The following TOM1L2 variants were observed in gnomAD, a reference collection of about 807,000 sequenced individuals.
TOM1L2 encodes target of myb1 like 2 membrane trafficking protein.
In TOM1L2, 31 loss-of-function variants were observed where a neutral mutation model predicts 67.9. That is an observed-to-expected ratio of 0.46 (90% CI 0.34 to 0.62). The LOEUF is 0.62. TOM1L2 is among the 20% of genes least tolerant of loss of function. The pLI is 0.01. For missense variants in TOM1L2, 606 were observed against 663.5 expected, an observed-to-expected ratio of 0.91 and a Z score of 0.95; for synonymous variants, 256 against 254.0, an observed-to-expected ratio of 1.01 and a Z score of -0.07.
intron 12 of TOM1L2, among the ~76,000 whole-genome samples, chr17:17,854,362 G>A (rs1426643495): frequency 6.6e-6 from 1 of 152,124 alleles, no homozygotes; most frequent in Non-Finnish European, 1.5e-5. Context: ...AGGGGACTCT[G>A]TTTCTTCCCT....
At chr17:17,888,921 T>C (rs1202613670) in intron 4 of TOM1L2, among the ~76,000 whole-genome samples, 1 of 152,044 alleles carries the variant, frequency 6.6e-6, no homozygotes, top group African/African-American at 2.4e-5. Flanking sequence ...GGTGAAAACA[T>C]AGGGGTGAAG....
intron 1 of TOM1L2, among the ~76,000 whole-genome samples, chr17:17,916,711 C>G (rs1244285563): frequency 1.3e-5 from 2 of 152,148 alleles, no homozygotes; most frequent in African/African-American, 4.8e-5. Context: ...TGTGAGTCCT[C>G]CAACTTTGTT....
At chr17:17,862,920 A>G in intron 10 of TOM1L2, 72 bp from the exon 11 acceptor site, 6 of 836,704 alleles carry the variant, frequency 7.2e-6, no homozygotes, top group East Asian at 6.8e-5. Context: ...AGGGCCCCCA[A>G]GCTAGGACGC....
chr17:17,948,357 G>A (rs928863718), intron 1 of TOM1L2, among the ~76,000 whole-genome samples: 10 of 152,140 alleles, frequency 6.6e-5, no homozygotes, highest in African/African-American at 2.2e-4. Flanking sequence ...ATCAAAAAAT[G>A]TGCCCCCTTG....
chr17:17,879,622 C>A lies in TOM1L2; in HGVS notation c.777+5G>T. ...CAGGCCAAGTGCTTCTGAAAGATGACTCACCTGCAGCAACTCCAGATCAGA... is the reference window on the plus strand; with the variant it reads ...CAGGCCAAGTGCTTCTGAAAGATGAATCACCTGCAGCAACTCCAGATCAGA... On this transcript the variant is annotated splice_donor_5th_base_variant and intron_variant, in intron 7 of 14. Coordinates refer to ENST00000379504, the MANE Select transcript of TOM1L2 (RefSeq NM_001082968.2). 1 of 1,611,016 alleles carries A rather than the reference C, an allele frequency of 6.2e-7. No individual in the cohort carries two copies.
chr17:17,909,590 G>A (rs2039252678), intron 1 of TOM1L2, among the ~76,000 whole-genome samples: 1 of 151,810 alleles, frequency 6.6e-6, no homozygotes, highest in Non-Finnish European at 1.5e-5. Context: ...GAGGCTGCTG[G>A]GGGGTGTGGG....
At chr17:17,951,745 C>T (rs762404352) in intron 1 of TOM1L2, among the ~76,000 whole-genome samples, 4 of 152,176 alleles carry the variant, frequency 2.6e-5, no homozygotes, top group Non-Finnish European at 4.4e-5. Context: ...TCCATGGGGA[C>T]GTGGTGCTTA....
chr17:17,914,109 T>G (rs2039525186), intron 1 of TOM1L2, among the ~76,000 whole-genome samples: 1 of 152,194 alleles, frequency 6.6e-6, no homozygotes, highest in South Asian at 2.1e-4. Flanking sequence ...GACATGCCCC[T>G]GCTGTGTGTG....
intron 12 of TOM1L2, among the ~76,000 whole-genome samples, chr17:17,852,571 G>A (rs1366140033): frequency 6.6e-6 from 1 of 152,192 alleles, no homozygotes; most frequent in Non-Finnish European, 1.5e-5. Flanking sequence ...GGGGAGTTAA[G>A]AATGTTGAAT....
chr17:17,875,864 A>G (rs895956420), intron 7 of TOM1L2, among the ~76,000 whole-genome samples: 7 of 152,366 alleles, frequency 4.6e-5, no homozygotes, highest in African/African-American at 1.7e-4. Context: ...GTTGATGAGA[A>G]AGGGGAATAA....
chr17:17,882,946 C>T, intron 5 of TOM1L2, 83 bp from the exon 6 acceptor site: 4 of 1,541,660 alleles, frequency 2.6e-6, no homozygotes, highest in Non-Finnish European at 3.5e-6. Flanking sequence ...CCATGCAGCA[C>T]TTCCCCAAGG....
At chr17:17,923,398 T>C (rs767781016) in intron 1 of TOM1L2, among the ~76,000 whole-genome samples, 8 of 151,788 alleles carry the variant, frequency 5.3e-5, no homozygotes, top group East Asian at 1.9e-4. Flanking sequence ...TGAAACTCCA[T>C]CTCAAACAAC....
At chr17:17,876,804 C>T (rs1040639353) in intron 7 of TOM1L2, among the ~76,000 whole-genome samples, 2 of 152,188 alleles carry the variant, frequency 1.3e-5, no homozygotes, top group African/African-American at 2.4e-5. Context: ...TGCTGCTGCC[C>T]GAAGTCTAAC....
chr17:17,847,423 T>G lies in TOM1L2; in HGVS notation c.*212A>C. The G allele has an allele frequency of 9.9e-6, 6 of 604,370 alleles. No homozygotes were observed. Among genetic ancestry groups the G allele is most frequent in the Non-Finnish European group, 1.7e-5 (6 of 360,568 alleles). 37.4% of individuals were successfully genotyped at this position (604,370 alleles called of 1,614,324 possible). On this transcript the variant is annotated 3_prime_UTR_variant, in exon 15 of 15. Coordinates refer to ENST00000379504, the MANE Select transcript of TOM1L2 (RefSeq NM_001082968.2). ...GGGCCCATGGTGGGAGGGGAGAGAG[T>G]CTCTGGCTGCAGTTGTCCCACCACT...
intron 1 of TOM1L2, among the ~76,000 whole-genome samples, chr17:17,940,907 G>T (rs115459657): frequency 6.6e-6 from 1 of 152,142 alleles, no homozygotes; most frequent in Non-Finnish European, 1.5e-5. Context: ...TGAGGTGATT[G>T]GTTTTGCATT....
intron 1 of TOM1L2, among the ~76,000 whole-genome samples, chr17:17,967,110 T>G (rs921470315): frequency 6.6e-6 from 1 of 152,170 alleles, no homozygotes; most frequent in Non-Finnish European, 1.5e-5. Context: ...CTAATACACA[T>G]AGCAATCTGA....
intron 1 of TOM1L2, among the ~76,000 whole-genome samples, chr17:17,953,855 A>T (rs113895896): frequency 2.6e-5 from 4 of 152,362 alleles, no homozygotes; most frequent in African/African-American, 9.6e-5. Context: ...TCCCCTGCAC[A>T]AGCAGGTGCT....
At chr17:17,903,419 C>G (rs929921951) in intron 2 of TOM1L2, among the ~76,000 whole-genome samples, 2 of 151,816 alleles carry the variant, frequency 1.3e-5, no homozygotes, top group Non-Finnish European at 2.9e-5. Flanking sequence ...GTAAGGGGAT[C>G]GAGACCATGG....
intron 2 of TOM1L2, among the ~76,000 whole-genome samples, chr17:17,904,251 T>C (rs749826095): frequency 6.5e-4 from 99 of 152,270 alleles, no homozygotes; most frequent in Non-Finnish European, 1.1e-3. Context: ...AAGAGAAAGA[T>C]GTGTGTGACC....
Sources: allele counts gnomAD v4.1 joint callset (sites outside exome capture counted in the v4.1 genomes callset), GRCh38; gene constraint gnomAD v4.1.1; transcripts MANE v1.5; gene names NCBI Gene and HGNC (gene_info 2026-07-23, HGNC 2026-07-21).